The following TPST1 variants were observed in gnomAD, a reference collection of about 807,000 sequenced individuals.
TPST1 encodes the protein protein-tyrosine sulfotransferase 1.
In TPST1, 20 loss-of-function variants were observed where a neutral mutation model predicts 34.8. That is an observed-to-expected ratio of 0.57 (90% CI 0.40 to 0.84). The LOEUF (loss-of-function observed/expected upper bound fraction) is 0.84, where lower values mean the gene tolerates loss of function less well. Ranked by LOEUF, TPST1 falls within the 40% of genes least tolerant of loss-of-function variation. TPST1 has a pLI of 0.00. For missense variants in TPST1, 353 were observed against 455.5 expected, an observed-to-expected ratio of 0.78 and a Z score of 2.05; for synonymous variants, 152 against 159.4, an observed-to-expected ratio of 0.95 and a Z score of 0.35.
intron 1 of TPST1, among the ~76,000 whole-genome samples, chr7:66,224,394 T>G (rs1000862443): frequency 6.6e-6 from 1 of 152,240 alleles, no homozygotes; most frequent in East Asian, 1.9e-4. Context: ...TTTGCCACGT[T>G]GGTTGGCATC....
chr7:66,301,088 G>A (rs1334097228), intron 3 of TPST1, among the ~76,000 whole-genome samples: 1 of 152,192 alleles, frequency 6.6e-6, no homozygotes, highest in Non-Finnish European at 1.5e-5. Context: ...TGGGTGACAA[G>A]GTGCATTGTC....
At chr7:66,322,415 C>T (rs2116207423) in intron 3 of TPST1, among the ~76,000 whole-genome samples, 1 of 152,338 alleles carries the variant, frequency 6.6e-6, no homozygotes, top group African/African-American at 2.4e-5. Flanking sequence ...CCCCACTCCC[C>T]TCCTTGCTGC....
intron 3 of TPST1, among the ~76,000 whole-genome samples, chr7:66,327,634 G>T (rs1030370836): frequency 1.7e-4 from 26 of 151,496 alleles, no homozygotes; most frequent in Admixed American, 9.2e-4. Flanking sequence ...GAGGTGGGAG[G>T]ATCCCTTGAG....
At chr7:66,249,692 A>T (rs1377982090) in intron 2 of TPST1, among the ~76,000 whole-genome samples, 1 of 152,184 alleles carries the variant, frequency 6.6e-6, no homozygotes, top group Non-Finnish European at 1.5e-5. Flanking sequence ...TCATTTGTGG[A>T]CTCAGACTTT....
chr7:66,232,338 G>T (rs550255062), intron 1 of TPST1, among the ~76,000 whole-genome samples: 1 of 151,708 alleles, frequency 6.6e-6, no homozygotes, highest in South Asian at 2.1e-4. Flanking sequence ...GAGTAGCTGG[G>T]ACCACAGGCA....
chr7:66,232,701 T>C lies in TPST1; in HGVS notation c.-101-7624T>C, dbSNP rs929728471. Among the ~76,000 whole-genome samples the C allele has an allele frequency of 3.9e-5, 6 of 152,308 alleles. 1 individual carries two copies. The highest frequency in any genetic ancestry group is 3.9e-4 in the Admixed American group (6 of 15,294). On this transcript the variant is annotated intron_variant, in intron 1 of 5. Transcript: ENST00000304842. ...AATTATTTTTTGTAGAGATGAGGTC[T>C]CATACTGTGTTGCCCATGCTTGTCT...
chr7:66,200,069 A>G, the TPST1 span, among the ~76,000 whole-genome samples: 43,360 of 152,000 alleles, frequency 0.29, 7,674 homozygotes, highest in Non-Finnish European at 0.39. Context: ...ACAACCCCCA[A>G]AGGAAAAGTG....
chr7:66,219,248 C>T (rs989550918), intron 1 of TPST1, among the ~76,000 whole-genome samples: 1 of 151,976 alleles, frequency 6.6e-6, no homozygotes, highest in African/African-American at 2.4e-5. Context: ...TCATAGAGAA[C>T]ATCACAAAAT....
intron 5 of TPST1, 62 bp downstream of exon 5, chr7:66,356,933 G>A: frequency 6.4e-7 from 1 of 1,562,694 alleles, no homozygotes; most frequent in Non-Finnish European, 8.8e-7. Flanking sequence ...GCAGGGGGCT[G>A]GGTGGCCAAG....
intron 1 of TPST1, among the ~76,000 whole-genome samples, chr7:66,224,901 CTTTTTTTTTTTTTT>C (rs780952403): frequency 2.4e-4 from 10 of 42,410 alleles, no homozygotes; most frequent in African/African-American, 6.5e-4. Flanking sequence ...TTCTGGTATT[CTTTTTTTTTTTTTT>C]TTTTTTTTTT....
chr7:66,281,231 G>A (rs1481330189), intron 2 of TPST1, among the ~76,000 whole-genome samples: 1 of 152,104 alleles, frequency 6.6e-6, no homozygotes, highest in African/African-American at 2.4e-5. Flanking sequence ...CTGTTTCCTA[G>A]TATTTTTGTT....
intron 1 of TPST1, among the ~76,000 whole-genome samples, chr7:66,206,176 T>C (rs187481817): frequency 3.3e-4 from 49 of 150,154 alleles, no homozygotes; most frequent in African/African-American, 1.1e-3. Flanking sequence ...CCAGGCTGGC[T>C]TCGAACTCCT....
At chr7:66,324,683 C>CAT (rs1469152556) in intron 3 of TPST1, among the ~76,000 whole-genome samples, 2 of 151,532 alleles carry the variant, frequency 1.3e-5, no homozygotes, top group Non-Finnish European at 2.9e-5. Flanking sequence ...CCTGTAATCC[C>CAT]AGCTACTCGG....
At position 66,332,613 on chromosome 7, in the gene TPST1, T is replaced by A. The variant is rs985603653; in HGVS notation, c.1045-19892T>A. On this transcript the variant is annotated intron_variant, in intron 3 of 5. Transcript: ENST00000304842. The surrounding 1 kb of genome is among the most constrained non-coding windows in gnomAD (Gnocchi z 4.5). ...TATGAATTGTTACTATAGTCAGCCC[T>A]TTGTATCTGTGGTTTCCACATCCAT... Among the ~76,000 whole-genome samples, 2 of 152,118 alleles carry A rather than the reference T, an allele frequency of 1.3e-5. No homozygotes were observed. The highest frequency in any genetic ancestry group is 4.8e-5 in the African/African-American group (2 of 41,432).
chr7:66,217,466 A>G lies in TPST1; in HGVS notation c.-102+11944A>G, dbSNP rs531335697. Among the ~76,000 whole-genome samples the G allele has an allele frequency of 1.4e-4, 22 of 152,128 alleles. No individual in the cohort carries two copies. In the South Asian group the frequency reaches 4.6e-3, roughly 32 times the overall value. ...CTTTTTTGTCTCTTTTGTGGTAACA[A>G]TTTTTGTCTTAAAGTGCATTGTATC... On this transcript the variant is annotated intron_variant, in intron 1 of 5. Coordinates refer to ENST00000304842, the MANE Select transcript of TPST1 (RefSeq NM_003596.4).
In TPST1 at chr7:66,286,403, T is replaced by C. The variant is rs1044377109; in HGVS notation, c.846-108T>C. The C allele has an allele frequency of 8.1e-6, 7 of 861,228 alleles. No individual in the cohort carries two copies. The Admixed American group carries it at 2.8e-4, about 34-fold the overall frequency. The allele number at this position is 861,228 out of a possible 1,614,324, so 53.3% of individuals were successfully genotyped here. The stretch of plus-strand genomic sequence containing the variant: ...TTAGTGCCCTCTTTCTCAATTGTTT[T>C]GTAATCCAGACAACTGTTAGTCATT... On this transcript the variant is annotated intron_variant, in intron 2 of 5. Transcript: ENST00000304842.
At chr7:66,331,584 TC>T (rs78477542) in intron 3 of TPST1, among the ~76,000 whole-genome samples, 5,581 of 152,274 alleles carry the variant, frequency 0.037, 162 homozygotes, top group East Asian at 0.088. Context: ...AAATTACTGA[TC>T]ATTATTTGAA....
chr7:66,231,490 C>T (rs1789791551), intron 1 of TPST1, among the ~76,000 whole-genome samples: 1 of 152,236 alleles, frequency 6.6e-6, no homozygotes, highest in African/African-American at 2.4e-5. Flanking sequence ...GGCTGCAGGT[C>T]CTGAGCCCTG....
chr7:66,252,611 G>T (rs1790291117), intron 2 of TPST1, among the ~76,000 whole-genome samples: 1 of 152,158 alleles, frequency 6.6e-6, no homozygotes, highest in South Asian at 2.1e-4. Context: ...GGGATTACAG[G>T]CGTGAGCCAC....
Sources: allele counts gnomAD v4.1 joint callset (sites outside exome capture counted in the v4.1 genomes callset), GRCh38; gene constraint gnomAD v4.1.1; non-coding constraint Gnocchi (gnomAD v3.1); transcripts MANE v1.5; gene names NCBI Gene and HGNC (gene_info 2026-07-23, HGNC 2026-07-21).